PIK3CB: variants seen among roughly 807,000 people sequenced by gnomAD.
PIK3CB encodes phosphatidylinositol-4,5-bisphosphate 3-kinase catalytic subunit beta, also known as phosphatidylinositol 4,5-bisphosphate 3-kinase catalytic subunit beta isoform.
A neutral mutation model predicts 136.8 loss-of-function variants in PIK3CB; 39 were observed. The observed-to-expected ratio is 0.29, with a 90% CI of 0.22 to 0.37. The LOEUF (loss-of-function observed/expected upper bound fraction) is 0.37, where lower values mean the gene tolerates loss of function less well. Among genes scored for constraint, PIK3CB ranks in the 10% least tolerant of loss-of-function variants. The probability of loss-of-function intolerance (pLI) is 1.00; values close to 1 mark genes in which losing one functional copy is unlikely to be tolerated. For missense variants in PIK3CB, 868 were observed against 1,275.4 expected (o/e 0.68, Z 4.87); for synonymous variants, 428 against 436.6 (o/e 0.98, Z 0.25).
chr3:138,674,317 C>T (rs1351041426), intron 19 of PIK3CB, among the ~76,000 whole-genome samples: 1 of 152,028 alleles, frequency 6.6e-6, no homozygotes, highest in Non-Finnish European at 1.5e-5. Context: ...TCTGAACCAC[C>T]AGGCTGACTG....
intron 1 of PIK3CB, among the ~76,000 whole-genome samples, chr3:138,810,960 G>A (rs1251854977): frequency 1.3e-5 from 2 of 151,966 alleles, no homozygotes; most frequent in East Asian, 3.9e-4. Flanking sequence ...GGGCGCGGTG[G>A]CTCACACCTA....
intron 1 of PIK3CB, among the ~76,000 whole-genome samples, chr3:138,807,279 G>C (rs998122158): frequency 6.6e-6 from 1 of 151,782 alleles, no homozygotes; most frequent in African/African-American, 2.4e-5. Flanking sequence ...ACAAAATATA[G>C]AAAAATTAGC....
chr3:138,698,436 G>A (rs868258644), intron 13 of PIK3CB, among the ~76,000 whole-genome samples: 34 of 152,252 alleles, frequency 2.2e-4, no homozygotes, highest in African/African-American at 6.5e-4. Context: ...CTGTCAAAAC[G>A]CATACATTCA....
intron 11 of PIK3CB, among the ~76,000 whole-genome samples, chr3:138,705,575 A>G (rs2044363323): frequency 6.6e-6 from 1 of 152,218 alleles, no homozygotes; most frequent in South Asian, 2.1e-4. Context: ...CCTTAGATGG[A>G]TAAAATCCAA....
chr3:138,729,247 C>T (rs2044914671), intron 8 of PIK3CB, among the ~76,000 whole-genome samples: 1 of 151,368 alleles, frequency 6.6e-6, no homozygotes, highest in African/African-American at 2.4e-5. Context: ...CGCCACTGCA[C>T]TCCAGCCTGG....
intron 4 of PIK3CB, among the ~76,000 whole-genome samples, chr3:138,749,081 C>T (rs942186897): frequency 1.3e-5 from 2 of 152,110 alleles, no homozygotes; most frequent in African/African-American, 4.8e-5. Flanking sequence ...GAATAAAATA[C>T]ATTACTCTAA....
intron 1 of PIK3CB, among the ~76,000 whole-genome samples, chr3:138,807,842 C>T (rs1404861802): frequency 6.6e-6 from 1 of 151,388 alleles, no homozygotes; most frequent in Non-Finnish European, 1.5e-5. Context: ...CTGCAGTGAG[C>T]TATGATCATG....
intron 12 of PIK3CB, among the ~76,000 whole-genome samples, chr3:138,703,824 A>G (rs1198882989): frequency 6.6e-6 from 1 of 152,166 alleles, no homozygotes; most frequent in East Asian, 1.9e-4. Flanking sequence ...TGGCGTGGCT[A>G]AAGACTGCAC....
intron 11 of PIK3CB, among the ~76,000 whole-genome samples, chr3:138,705,883 G>A (rs954083631): frequency 1.1e-4 from 16 of 152,254 alleles, no homozygotes; most frequent in Non-Finnish European, 2.4e-4. Flanking sequence ...CTCCAGAGTA[G>A]CTAGGACTAT....
chr3:138,807,820 G>C (rs189467607), intron 1 of PIK3CB, among the ~76,000 whole-genome samples: 1 of 151,892 alleles, frequency 6.6e-6, no homozygotes, highest in African/African-American at 2.4e-5. Context: ...TTTTGAGCTC[G>C]GGAGGTTGAG....
At chr3:138,822,580 G>C (rs943479873) in intron 1 of PIK3CB, among the ~76,000 whole-genome samples, 3 of 151,220 alleles carry the variant, frequency 2.0e-5, no homozygotes, top group African/African-American at 7.3e-5. Flanking sequence ...CTGCAGCCAG[G>C]TACGGTGGCT....
chr3:138,692,984 T>C (rs1460322311), intron 14 of PIK3CB, among the ~76,000 whole-genome samples: 1 of 152,184 alleles, frequency 6.6e-6, no homozygotes, highest in East Asian at 1.9e-4. Context: ...TTAAATAAGA[T>C]ATATCCCTAT....
intron 5 of PIK3CB, 42 bp from the exon 6 acceptor site, chr3:138,737,928 T>C (rs768717600): frequency 6.5e-6 from 8 of 1,228,144 alleles, no homozygotes; most frequent in African/African-American, 1.5e-5. Flanking sequence ...GTAAATGTTA[T>C]ATTTATGCTG....
chr3:138,790,326 A>G (rs2046033414), intron 2 of PIK3CB, among the ~76,000 whole-genome samples: 1 of 151,886 alleles, frequency 6.6e-6, no homozygotes, highest in East Asian at 1.9e-4. Flanking sequence ...AAGTGGTTAA[A>G]TTTCCCCCAG....
chr3:138,765,331 C>T (rs1208305333), intron 2 of PIK3CB, among the ~76,000 whole-genome samples: 1 of 151,888 alleles, frequency 6.6e-6, no homozygotes, highest in Non-Finnish European at 1.5e-5. Context: ...AAAAAAGAAT[C>T]TGCTAGTAGG....
chr3:138,820,001 C>T (rs1262669589), intron 1 of PIK3CB, among the ~76,000 whole-genome samples: 1 of 152,156 alleles, frequency 6.6e-6, no homozygotes, highest in African/African-American at 2.4e-5. Context: ...ATAAAGCCTT[C>T]TCAAGTGATT....
chr3:138,653,160 G>C lies in PIK3CB; in HGVS notation c.*2229C>G, dbSNP rs774415997. On this transcript the variant is annotated 3_prime_UTR_variant, in exon 24 of 24. Transcript: ENST00000674063. ...CTCAATATTCTGGAGATGTCAATTT[G>C]TCTCAACCTTGTCTATAGCTTAATG... 11 of 181,712 alleles carry C rather than the reference G, an allele frequency of 6.1e-5. No individual in the cohort carries two copies. In the Admixed American group the frequency reaches 6.9e-4, roughly 11 times the overall value. The allele number at this position is 181,712 out of a possible 1,614,324, so 11.3% of individuals were successfully genotyped here.
At chr3:138,780,194 A>C (rs1411590080) in intron 2 of PIK3CB, among the ~76,000 whole-genome samples, 2 of 152,096 alleles carry the variant, frequency 1.3e-5, no homozygotes, top group African/African-American at 4.8e-5. Context: ...TCCCGACCTC[A>C]AGTGATCCAC....
At chr3:138,713,386 A>T (rs2044543986) in intron 9 of PIK3CB, among the ~76,000 whole-genome samples, 1 of 151,978 alleles carries the variant, frequency 6.6e-6, no homozygotes, top group Non-Finnish European at 1.5e-5. Flanking sequence ...AGAATAAAAG[A>T]ACACGGCCAG....
Sources: gnomAD v4.1 joint callset for allele counts (sites outside exome capture counted in the v4.1 genomes callset) on GRCh38, gnomAD v4.1.1 for gene constraint, MANE v1.5 for transcripts, NCBI Gene and HGNC (gene_info 2026-07-23, HGNC 2026-07-21) for gene names.